The following TBC1D5 variants were observed in gnomAD, a reference collection of about 807,000 sequenced individuals.
TBC1D5 encodes the protein TBC1 domain family, member 5.
TBC1D5 carries 75 observed loss-of-function variants against 100.3 expected under a neutral mutation model. That is an observed-to-expected ratio of 0.75 (90% CI 0.62 to 0.91). The LOEUF (loss-of-function observed/expected upper bound fraction) is 0.91, where lower values mean the gene tolerates loss of function less well. TBC1D5 is among the 40% of genes least tolerant of loss of function. The pLI is 0.00. For missense variants in TBC1D5, 910 were observed against 942.4 expected, an observed-to-expected ratio of 0.97 and a Z score of 0.45; for synonymous variants, 323 against 325.6, an observed-to-expected ratio of 0.99 and a Z score of 0.09.
intron 2 of TBC1D5, among the ~76,000 whole-genome samples, chr3:17,514,453 T>A (rs1024213719): frequency 2.0e-5 from 3 of 152,106 alleles, no homozygotes; most frequent in African/African-American, 7.2e-5. Context: ...GGTATAAGAC[T>A]ACAATAAGGG....
intron 1 of TBC1D5, among the ~76,000 whole-genome samples, chr3:17,694,013 G>C (rs1307995127): frequency 6.6e-6 from 1 of 152,194 alleles, no homozygotes; most frequent in Non-Finnish European, 1.5e-5. Context: ...CTGACTGTTA[G>C]AAGGAAAACT....
At position 17,677,475 on chromosome 3, in the gene TBC1D5, T is replaced by A. The variant is rs530195044; in HGVS notation, c.-100-53562A>T. On this transcript the variant is annotated intron_variant, in intron 1 of 21. Transcript: ENST00000253692. ...TACCATCTCACACCAGTTAGAATGG[T>A]GATCATTAAAAAGTCAGGAAACAGG... Among the ~76,000 whole-genome samples the A allele has an allele frequency of 9.7e-4, 148 of 152,148 alleles. 1 individual carries two copies. Among genetic ancestry groups the A allele is most frequent in the African/African-American group, 3.2e-3 (132 of 41,520 alleles).
chr3:17,249,564 C>G (rs545696775), intron 16 of TBC1D5, among the ~76,000 whole-genome samples: 12 of 152,320 alleles, frequency 7.9e-5, no homozygotes, highest in African/African-American at 2.9e-4. Context: ...TGAGCTCTTG[C>G]TCTGAGTTCA....
At chr3:17,202,988 G>C (rs1016605856) in intron 18 of TBC1D5, among the ~76,000 whole-genome samples, 1 of 152,202 alleles carries the variant, frequency 6.6e-6, no homozygotes, top group Admixed American at 6.5e-5. Context: ...TGTGACAAGA[G>C]GGCCACTGTC....
intron 13 of TBC1D5, among the ~76,000 whole-genome samples, chr3:17,344,200 T>G (rs1487419571): frequency 6.6e-6 from 1 of 152,130 alleles, no homozygotes; most frequent in Non-Finnish European, 1.5e-5. Flanking sequence ...CTTAAGCTGA[T>G]AAGCAACTTC....
At chr3:17,658,909 C>T (rs1328329073) in intron 1 of TBC1D5, among the ~76,000 whole-genome samples, 2 of 152,198 alleles carry the variant, frequency 1.3e-5, no homozygotes, top group African/African-American at 2.4e-5. Context: ...CCACCCGCCT[C>T]GGCCTCCCAA....
At chr3:17,446,576 T>C (rs569222501) in intron 3 of TBC1D5, among the ~76,000 whole-genome samples, 2 of 152,312 alleles carry the variant, frequency 1.3e-5, no homozygotes, top group South Asian at 4.1e-4. Flanking sequence ...ATGTCAGATA[T>C]ATGAATCTGG....
rs1010338792 is a variant in TBC1D5 at position 17,373,197 on chromosome 3, T to C, written c.823-950A>G. 4.6e-4 allele frequency among the ~76,000 whole-genome samples: 70 copies of C among 152,140 alleles called. 1 individual carries two copies. The highest frequency in any genetic ancestry group is 1.3e-4 in the Non-Finnish European group (9 of 67,996). On this transcript the variant is annotated intron_variant, in intron 12 of 21. Coordinates refer to ENST00000253692, the Ensembl canonical transcript of TBC1D5. ...GTATAAAAACAGATGGTAGGCCAAA[T>C]TTGACCTACAGGCAGTAGGATGCCA...
intron 1 of TBC1D5, among the ~76,000 whole-genome samples, chr3:17,725,077 T>A (rs2076015472): frequency 6.6e-6 from 1 of 152,210 alleles, no homozygotes; most frequent in African/African-American, 2.4e-5. Flanking sequence ...TGTCTGATAT[T>A]TCCAATATCC....
At chr3:17,376,844 C>A (rs2092730392) in intron 9 of TBC1D5, among the ~76,000 whole-genome samples, 1 of 152,098 alleles carries the variant, frequency 6.6e-6, no homozygotes, top group South Asian at 2.1e-4. Flanking sequence ...GAGAGCAGTT[C>A]TCTTTTAAAT....
intron 1 of TBC1D5, among the ~76,000 whole-genome samples, chr3:17,652,734 A>G (rs1012816673): frequency 2.0e-5 from 3 of 152,212 alleles, no homozygotes; most frequent in African/African-American, 7.2e-5. Flanking sequence ...CAGCACCCTG[A>G]TTATTCTGTA....
rs182957632 is a variant in TBC1D5 at position 17,524,382 on chromosome 3, C to T, written c.-35-15777G>A. 3.0e-3 allele frequency among the ~76,000 whole-genome samples: 463 copies of T among 152,284 alleles called. 4 individuals are homozygous for T. The highest frequency in any genetic ancestry group is 0.011 in the African/African-American group (439 of 41,562). On this transcript the variant is annotated intron_variant, in intron 2 of 21. Transcript: ENST00000253692. ...ATAACTATCAAAATTACTAATGCATCTAACTTTTGAATCAACAATTCTACC... is the reference window on the plus strand; with the variant it reads ...ATAACTATCAAAATTACTAATGCATTTAACTTTTGAATCAACAATTCTACC...
At chr3:17,617,507 T>C (rs2062274093) in intron 2 of TBC1D5, among the ~76,000 whole-genome samples, 1 of 152,244 alleles carries the variant, frequency 6.6e-6, no homozygotes, top group African/African-American at 2.4e-5. Context: ...CTTGGGTCCA[T>C]TCTCCATGTC....
At chr3:17,428,387 AATATT>A (rs1388268963) in intron 4 of TBC1D5, 58 bp downstream of exon 4, 2 of 519,796 alleles carry the variant, frequency 3.8e-6, no homozygotes, top group African/African-American at 2.2e-5. Context: ...ATTATCTTAT[AATATT>A]ATATGTGTGT....
chr3:17,270,305 TC>T (rs1234194753), intron 15 of TBC1D5, among the ~76,000 whole-genome samples: 1 of 152,180 alleles, frequency 6.6e-6, no homozygotes, highest in Admixed American at 6.5e-5. Flanking sequence ...TTGAGAACTG[TC>T]TGTTCATGTC....
chr3:17,318,121 G>A (rs990587960), intron 13 of TBC1D5, among the ~76,000 whole-genome samples: 4 of 150,542 alleles, frequency 2.7e-5, no homozygotes, highest in Admixed American at 6.7e-5. Flanking sequence ...GTAAACTATC[G>A]CAAGGACAAA....
At chr3:17,621,972 C>A (rs1053964916) in intron 2 of TBC1D5, among the ~76,000 whole-genome samples, 1 of 152,178 alleles carries the variant, frequency 6.6e-6, no homozygotes, top group Non-Finnish European at 1.5e-5. Flanking sequence ...AGTCAGTTTT[C>A]TTCCTTTCAT....
At chr3:17,269,727 G>T (rs1044037538) in intron 15 of TBC1D5, among the ~76,000 whole-genome samples, 3 of 143,544 alleles carry the variant, frequency 2.1e-5, no homozygotes, top group African/African-American at 7.6e-5. Flanking sequence ...GCTCCCATTT[G>T]TAAGTGAGAA....
At chr3:17,299,004 A>G (rs1292504478) in intron 14 of TBC1D5, among the ~76,000 whole-genome samples, 1 of 152,226 alleles carries the variant, frequency 6.6e-6, no homozygotes, top group Non-Finnish European at 1.5e-5. Flanking sequence ...AGTTTAATTT[A>G]TAAGTTAGGC....
Sources: allele counts gnomAD v4.1 joint callset (sites outside exome capture counted in the v4.1 genomes callset), GRCh38; gene constraint gnomAD v4.1.1; transcripts MANE v1.5; gene names NCBI Gene and HGNC (gene_info 2026-07-23, HGNC 2026-07-21).